Variants in ITGB8 observed in about 807,000 individuals in gnomAD.
ITGB8 encodes the protein integrin subunit beta 8.
ITGB8 carries 30 observed loss-of-function variants against 89.5 expected under a neutral mutation model. The observed-to-expected ratio is 0.34, with a 90% CI of 0.25 to 0.45. The LOEUF is 0.45. ITGB8 is among the 20% of genes least tolerant of loss of function. The pLI is 1.00. For missense variants in ITGB8, 836 were observed against 933.3 expected (o/e 0.90, Z 1.36); for synonymous variants, 335 against 320.4 (o/e 1.05, Z -0.49).
Position 20,410,168 on chromosome 7 carries a change from G to A in ITGB8, c.*171G>A. The A allele has an allele frequency of 1.5e-6, 1 of 645,398 alleles. No homozygotes were observed. Among genetic ancestry groups the A allele is most frequent in the Non-Finnish European group, 2.7e-6 (1 of 376,706 alleles). The allele number at this position is 645,398 out of a possible 1,614,324, so 40.0% of individuals were successfully genotyped here. A position where few individuals can be genotyped will look rare whatever the true frequency, so the allele number is the denominator to read the frequency against. On this transcript the variant is annotated 3_prime_UTR_variant, in exon 14 of 14. Transcript: ENST00000222573. ...TCCTCATCATGATGTGACTCACATA[G>A]CTGCTGACTTTTTCAGAGAAAAATG...
At chr7:20,342,375 T>A (rs910466201) in intron 1 of ITGB8, among the ~76,000 whole-genome samples, 1 of 152,200 alleles carries the variant, frequency 6.6e-6, no homozygotes, top group Non-Finnish European at 1.5e-5. Context: ...AGTGGCACTT[T>A]TACACATGAA....
intron 6 of ITGB8, among the ~76,000 whole-genome samples, chr7:20,387,920 C>T (rs563910471): frequency 6.6e-6 from 1 of 152,176 alleles, no homozygotes; most frequent in Non-Finnish European, 1.5e-5. Context: ...TCTAAAAAAT[C>T]ACGCAGATAA....
chr7:20,370,165 T>C (rs1323810573), intron 3 of ITGB8, among the ~76,000 whole-genome samples: 1 of 151,182 alleles, frequency 6.6e-6, no homozygotes, highest in Non-Finnish European at 1.5e-5. Flanking sequence ...AGAGAGCTGG[T>C]TCTCTGTAAA....
intron 6 of ITGB8, among the ~76,000 whole-genome samples, chr7:20,383,516 A>G (rs1241093375): frequency 2.0e-5 from 3 of 152,156 alleles, no homozygotes; most frequent in Non-Finnish European, 2.9e-5. Flanking sequence ...ATTGTGAGAC[A>G]AAGAGAAGGT....
rs146619355 is a variant in ITGB8 at position 20,384,596 on chromosome 7, T to A, written c.960+2711T>A. ...GGTCAGAAAAGCTAAGTAAGTTGCC[T>A]GAGAATAAACAGCTAAAACATTAAT... is the stretch of plus-strand genomic sequence containing the variant. On this transcript the variant is annotated intron_variant, in intron 6 of 13. Transcript: ENST00000222573. 8.5e-5 allele frequency among the ~76,000 whole-genome samples: 13 copies of A among 152,364 alleles called. No individual in the cohort carries two copies. In the East Asian group the frequency reaches 2.1e-3, roughly 25 times the overall value.
rs892048675 is a variant in ITGB8 at position 20,363,060 on chromosome 7, T to C, written c.128-577T>C. Among the ~76,000 whole-genome samples, 15 of 152,336 alleles carry C rather than the reference T, an allele frequency of 9.8e-5. No homozygotes were observed. In the East Asian group the frequency reaches 2.9e-3, roughly 29 times the overall value. ...ACTTTAATTCTAAAATACTAAATCA[T>C]GCCAGTATGTCTGGTTCTGGTATTC... On this transcript the variant is annotated intron_variant, in intron 1 of 13. Coordinates refer to ENST00000222573, the MANE Select transcript of ITGB8 (RefSeq NM_002214.3).
In ITGB8 at chr7:20,331,041, G is replaced by C. The variant is rs1175368907; in HGVS notation, c.-766G>C. 6.6e-6 allele frequency: 1 copy of C among 152,398 alleles called. No individual in the cohort carries two copies. The highest frequency in any genetic ancestry group is 1.5e-5 in the Non-Finnish European group (1 of 68,148). 9.4% of individuals were successfully genotyped at this position (152,398 alleles called of 1,614,324 possible). On this transcript the variant is annotated 5_prime_UTR_variant, in exon 1 of 14. Transcript: ENST00000222573. ...AACCTCCCCTCCTGCGCTCGCAGCC[G>C]CAGGCCCCACTCCCCGCCAGGGAGG...
intron 3 of ITGB8, among the ~76,000 whole-genome samples, chr7:20,367,797 C>T (rs1310400338): frequency 6.6e-6 from 1 of 152,136 alleles, no homozygotes; most frequent in African/African-American, 2.4e-5. Flanking sequence ...CTCTTTTGTA[C>T]TTCCCCTTCC....
In ITGB8 at chr7:20,406,322, G is replaced by A. The variant is rs111699363; in HGVS notation, c.2023+151G>A. Reference sequence around the variant, plus strand: ...TCCCAGCATTTTGGGAGGCCAAGGCGGGTGGATCACCTGAGGTCAGGAGTT... The same window carrying A: ...TCCCAGCATTTTGGGAGGCCAAGGCAGGTGGATCACCTGAGGTCAGGAGTT... On this transcript the variant is annotated intron_variant, in intron 12 of 13. Transcript: ENST00000222573. 0.027 allele frequency: 15,479 copies of A among 571,836 alleles called. 354 individuals are homozygous for A. The highest frequency in any genetic ancestry group is 0.081 in the African/African-American group (4,326 of 53,290). The allele number at this position is 571,836 out of a possible 1,614,324, so 35.4% of individuals were successfully genotyped here.
intron 12 of ITGB8, among the ~76,000 whole-genome samples, 181 bp from the exon 13 acceptor site, chr7:20,409,434 C>T (rs549143223): frequency 5.5e-4 from 84 of 152,020 alleles, no homozygotes; most frequent in Admixed American, 1.4e-3. Context: ...ATAGTAAACG[C>T]GCAAGAAAAA....
chr7:20,369,497 A>G (rs1273548804), intron 3 of ITGB8, among the ~76,000 whole-genome samples: 2 of 152,140 alleles, frequency 1.3e-5, no homozygotes, highest in African/African-American at 4.8e-5. Context: ...CTCTTCTTAG[A>G]AGTGCACTAA....
intron 9 of ITGB8, 195 bp downstream of exon 9, chr7:20,399,189 T>G: frequency 1.8e-6 from 1 of 567,408 alleles, no homozygotes; most frequent in Non-Finnish European, 3.1e-6. Flanking sequence ...TCTCTCCAAC[T>G]CTCAGGTTTT....
At chr7:20,359,127 G>A (rs548471425) in intron 1 of ITGB8, among the ~76,000 whole-genome samples, 45 of 152,178 alleles carry the variant, frequency 3.0e-4, no homozygotes, top group African/African-American at 1.0e-3. Context: ...GGGCACCTAG[G>A]TTGATTCCAT....
At chr7:20,386,366 G>A (rs1252242486) in intron 6 of ITGB8, among the ~76,000 whole-genome samples, 2 of 147,728 alleles carry the variant, frequency 1.4e-5, no homozygotes, top group African/African-American at 2.5e-5. Context: ...AGCCTCCCGA[G>A]TAGCTGGGAC....
chr7:20,381,760 T>C lies in ITGB8; in HGVS notation c.835T>C (p.Leu279=), dbSNP rs150389021. The change falls in exon 6 of 14, where the codon TTG becomes CTG. Residue 279 remains leucine (L), a synonymous_variant. Transcript: ENST00000222573. ...CGGATGGCGAAAAGAGGCTAAAAGA[T>C]TGCTGCTGGTGATGACAGATCAGAC... The part of the protein sequence containing the change: ...HIGWRKEAKR[L]LLVMTDQTSH... 5.8e-5 allele frequency: 94 copies of C among 1,612,932 alleles called. No homozygotes were observed. Among genetic ancestry groups the C allele is most frequent in the Non-Finnish European group, 7.4e-5 (87 of 1,179,676 alleles).
In ITGB8 at chr7:20,375,441, A is replaced by G. The variant is rs80133998; in HGVS notation, c.389-3610A>G. Among the ~76,000 whole-genome samples the G allele has an allele frequency of 5.9e-3, 901 of 152,328 alleles. 15 individuals are homozygous for G. The highest frequency in any genetic ancestry group is 0.021 in the African/African-American group (856 of 41,576). On this transcript the variant is annotated intron_variant, in intron 3 of 13. Coordinates refer to ENST00000222573, the MANE Select transcript of ITGB8 (RefSeq NM_002214.3). ...AAGACATTCACATAAACACACACCC[A>G]AATAGATTCTTCACATTTACTTGTA... is the stretch of plus-strand genomic sequence containing the variant.
chr7:20,385,600 C>T (rs1786577516), intron 6 of ITGB8, among the ~76,000 whole-genome samples: 2 of 152,226 alleles, frequency 1.3e-5, no homozygotes, highest in Non-Finnish European at 2.9e-5. Flanking sequence ...AACAGTTTTG[C>T]TTTCTCACTG....
At chr7:20,376,825 G>A (rs954395518) in intron 3 of ITGB8, among the ~76,000 whole-genome samples, 1 of 152,132 alleles carries the variant, frequency 6.6e-6, no homozygotes. Flanking sequence ...CCTGTGTATG[G>A]AAATACTCTT....
chr7:20,346,627 C>A, intron 1 of ITGB8: 1 of 806,326 alleles, frequency 1.2e-6, no homozygotes, highest in Non-Finnish European at 1.5e-6. Flanking sequence ...GGAAGCCTGA[C>A]TTAGTTCTGA....
Sources: gnomAD v4.1 joint callset for allele counts (sites outside exome capture counted in the v4.1 genomes callset) on GRCh38, gnomAD v4.1.1 for gene constraint, MANE v1.5 for transcripts, NCBI Gene and HGNC (gene_info 2026-07-23, HGNC 2026-07-21) for gene names.